VAV1: variants seen among roughly 807,000 people sequenced by gnomAD.
VAV1 encodes the protein proto-oncogene vav.
VAV1 carries 33 observed loss-of-function variants against 128.1 expected under a neutral mutation model. That is an observed-to-expected ratio of 0.26 (90% CI 0.20 to 0.34). The LOEUF (loss-of-function observed/expected upper bound fraction) is 0.34, where lower values mean the gene tolerates loss of function less well. Among genes scored for constraint, VAV1 ranks in the 10% least tolerant of loss-of-function variants. VAV1 has a pLI of 1.00. For synonymous variants in VAV1, 394 were observed against 409.8 expected (o/e 0.96, Z 0.47); for missense variants, 715 against 1,093.7 (o/e 0.65, Z 4.88).
At chr19:6,814,671 CCTTTCTTTCTTTCTTTCTTT>C (rs71177121) in intron 1 of VAV1, among the ~76,000 whole-genome samples, 35 of 25,778 alleles carry the variant, frequency 1.4e-3, no homozygotes, top group African/African-American at 5.3e-3. Flanking sequence ...TTCCTTCCTT[CCTTTCTTTCTTTCTTTCTTT>C]CTTTCTTTCT....
At position 6,842,024 on chromosome 19, in the gene VAV1, G is replaced by C. The variant is rs190008564; in HGVS notation, c.1981-1111G>C. ...GTGGATCACCTGAGCTCGGGAGTTT[G>C]AGACCAGCCCGACCAACATGGAAGA... is the stretch of plus-strand genomic sequence containing the variant. On this transcript the variant is annotated intron_variant, in intron 21 of 26. Transcript: ENST00000602142. 2.1e-3 allele frequency among the ~76,000 whole-genome samples: 324 copies of C among 151,884 alleles called. 2 individuals carry two copies. Among genetic ancestry groups the C allele is most frequent in the Non-Finnish European group, 3.6e-3 (246 of 67,934 alleles).
intron 1 of VAV1, among the ~76,000 whole-genome samples, chr19:6,803,778 T>G (rs569973215): frequency 3.3e-5 from 5 of 152,150 alleles, no homozygotes; most frequent in Non-Finnish European, 7.3e-5. Context: ...TTGGCCAGGC[T>G]GGCCTCAAAC....
chr19:6,780,579 T>C (rs1305943826), intron 1 of VAV1, among the ~76,000 whole-genome samples: 2 of 148,372 alleles, frequency 1.3e-5, no homozygotes, highest in Admixed American at 6.7e-5. Context: ...TTTTCTTTTT[T>C]TTTTTTTTTT....
At chr19:6,795,718 C>T (rs1316870603) in intron 1 of VAV1, among the ~76,000 whole-genome samples, 1 of 152,142 alleles carries the variant, frequency 6.6e-6, no homozygotes, top group Non-Finnish European at 1.5e-5. Flanking sequence ...GAGTCTCACT[C>T]TGTCGCCCAG....
chr19:6,850,769 T>C lies in VAV1; in HGVS notation c.2217+12T>C, dbSNP rs1972654743. 2 of 1,613,718 alleles carry C rather than the reference T, an allele frequency of 1.2e-6. No homozygotes were observed. Among genetic ancestry groups the C allele is most frequent in the Non-Finnish European group, 1.7e-6 (2 of 1,179,732 alleles). On this transcript the variant is annotated intron_variant, in intron 24 of 26. Transcript: ENST00000602142. ...TCCGGGGGCTTACGGTAAGGGTCAA[T>C]GTCCGCTCAATCCCAGCTTTCCAGA...
In VAV1 at chr19:6,826,668, A is replaced by G. The variant is rs1201478572; in HGVS notation, c.884A>G (p.Asp295Gly). ...SQVESASKHLDRVAAAREDVQ... is the reference protein window; with the variant it reads ...SQVESASKHLGRVAAAREDVQ... ...GTGGAGTCAGCCAGCAAACACCTGGACCGTGTGGCCGCAGCCCGGGAGGAC... is the reference window on the plus strand; with the variant it reads ...GTGGAGTCAGCCAGCAAACACCTGGGCCGTGTGGCCGCAGCCCGGGAGGAC... The change falls in exon 9 of 27, where the codon GAC becomes GGC. Residue 295 changes from aspartate (D) to glycine (G), a missense_variant. By Grantham distance (94) the Asp-to-Gly change is moderately conservative. Transcript: ENST00000602142. The surrounding 1 kb of genome is among the most constrained non-coding windows in gnomAD (Gnocchi z 4.1). 6 of 1,561,048 alleles carry G rather than the reference A, an allele frequency of 3.8e-6. No individual in the cohort carries two copies. Among genetic ancestry groups the G allele is most frequent in the Non-Finnish European group, 5.2e-6 (6 of 1,154,344 alleles).
intron 1 of VAV1, among the ~76,000 whole-genome samples, chr19:6,809,952 T>C (rs1234206241): frequency 1.3e-5 from 2 of 151,936 alleles, no homozygotes; most frequent in Admixed American, 6.6e-5. Flanking sequence ...AAGCTAATTG[T>C]TTGAGGCCAG....
chr19:6,808,617 C>G (rs1271964439), intron 1 of VAV1, among the ~76,000 whole-genome samples: 2 of 152,198 alleles, frequency 1.3e-5, no homozygotes, highest in South Asian at 2.1e-4. Context: ...ATACTCATCA[C>G]CATACTCACT....
At chr19:6,852,745 G>A (rs951938743) in intron 24 of VAV1, among the ~76,000 whole-genome samples, 1 of 150,398 alleles carries the variant, frequency 6.6e-6, no homozygotes, top group African/African-American at 2.5e-5. Context: ...AAGAAAGAAA[G>A]AACCTGTTTT....
rs754343672 is a variant in VAV1, at chr19:6,832,105, C to T, written c.1413C>T (p.Phe471=). The change falls in exon 15 of 27, where the codon TTC becomes TTT. Residue 471 remains phenylalanine, a synonymous_variant. Transcript: ENST00000602142. ...DRDNKKWSHM[F]LLIEDQGAQG... ...CTTCCCTGCAGTGGAGCCACATGTT[C>T]CTCCTGATCGAGGACCAAGGTGCCC... 1 of 1,613,980 alleles carries T rather than the reference C, an allele frequency of 6.2e-7. No individual in the cohort carries two copies. The highest frequency in any genetic ancestry group is 1.3e-5 in the African/African-American group (1 of 74,920).
At chr19:6,783,661 T>C (rs1161235860) in intron 1 of VAV1, among the ~76,000 whole-genome samples, 1 of 151,818 alleles carries the variant, frequency 6.6e-6, no homozygotes, top group African/African-American at 2.4e-5. Context: ...TTTGTAGGGG[T>C]TTCTCCATGT....
intron 1 of VAV1, among the ~76,000 whole-genome samples, chr19:6,797,609 A>C (rs1179585707): frequency 6.6e-6 from 1 of 152,062 alleles, no homozygotes; most frequent in African/African-American, 2.4e-5. Flanking sequence ...AGGCTGAGGC[A>C]GGAGAATTGT....
chr19:6,806,798 A>C (rs1001650987), intron 1 of VAV1, among the ~76,000 whole-genome samples: 1 of 152,192 alleles, frequency 6.6e-6, no homozygotes, highest in Non-Finnish European at 1.5e-5. Context: ...GCTAGAAGAG[A>C]AAGAGGAAAG....
chr19:6,795,385 G>A (rs1385537750), intron 1 of VAV1, among the ~76,000 whole-genome samples: 1 of 152,088 alleles, frequency 6.6e-6, no homozygotes, highest in Non-Finnish European at 1.5e-5. Flanking sequence ...CGAAATAGGA[G>A]CCCTACTTCA....
At chr19:6,855,678 T>G (rs921318189) in intron 26 of VAV1, among the ~76,000 whole-genome samples, 2 of 151,840 alleles carry the variant, frequency 1.3e-5, no homozygotes, top group Non-Finnish European at 2.9e-5. Context: ...TGTTAATCTA[T>G]CTCTATATTT....
At chr19:6,832,957 C>T (rs74528415) in intron 15 of VAV1, among the ~76,000 whole-genome samples, 11,142 of 152,180 alleles carry the variant, frequency 0.073, 569 homozygotes, top group South Asian at 0.18. Flanking sequence ...ACTCCCAATT[C>T]CCCGCTCTCG....
rs573568614 is a variant in VAV1, at chr19:6,809,828, T to C, written c.205-10874T>C. Among the ~76,000 whole-genome samples the C allele has an allele frequency of 7.2e-5, 11 of 151,958 alleles. 1 individual carries two copies. The highest frequency in any genetic ancestry group is 7.2e-4 in the Admixed American group (11 of 15,246). ...TTAGATGTGACAGATAGTTTGGATG[T>C]AGAATCTGAATAATCTATTGATTGA... is the stretch of plus-strand genomic sequence containing the variant. On this transcript the variant is annotated intron_variant, in intron 1 of 26. Coordinates refer to ENST00000602142, the MANE Select transcript of VAV1 (RefSeq NM_005428.4).
intron 1 of VAV1, among the ~76,000 whole-genome samples, chr19:6,798,668 C>CA (rs1417328110): frequency 1.1e-4 from 16 of 151,210 alleles, no homozygotes; most frequent in African/African-American, 3.9e-4. Context: ...TTCCCCCCCC[C>CA]ACCCAAAAGA....
At position 6,822,584 on chromosome 19, in the gene VAV1, T is replaced by C. The variant is rs1004110259; in HGVS notation, c.654+70T>C. The C allele has an allele frequency of 7.2e-7, 1 of 1,390,214 alleles. No individual in the cohort carries two copies. The highest frequency in any genetic ancestry group is 1.4e-5 in the African/African-American group (1 of 69,622). 86.1% of individuals were successfully genotyped at this position (1,390,214 alleles called of 1,614,324 possible). A position where few individuals can be genotyped will look rare whatever the true frequency, so the allele number is the denominator to read the frequency against. ...CTGGGCCGGCAGGTGCACGTCCACC[T>C]GTCCGGCCGCTCTGGGCAGCTGAGG... On this transcript the variant is annotated intron_variant, in intron 6 of 26. Transcript: ENST00000602142. The surrounding 1 kb of genome is among the most constrained non-coding windows in gnomAD (Gnocchi z 5.9).
Sources: gnomAD v4.1 joint callset for allele counts (sites outside exome capture counted in the v4.1 genomes callset) on GRCh38, gnomAD v4.1.1 for gene constraint, Gnocchi (gnomAD v3.1) non-coding constraint, MANE v1.5 for transcripts, NCBI Gene and HGNC (gene_info 2026-07-23, HGNC 2026-07-21) for gene names.